LRBA: variants seen among roughly 807,000 people sequenced by gnomAD.
LRBA encodes the protein LPS responsive beige-like anchor protein.
LRBA carries 176 observed loss-of-function variants against 330.0 expected under a neutral mutation model. That is an observed-to-expected ratio of 0.53 (90% CI 0.47 to 0.60). The LOEUF (loss-of-function observed/expected upper bound fraction) is 0.60, where lower values mean the gene tolerates loss of function less well. Among genes scored for constraint, LRBA ranks in the 20% least tolerant of loss-of-function variants. LRBA has a pLI of 0.00. For synonymous variants in LRBA, 1,230 were observed against 1,193.0 expected, an observed-to-expected ratio of 1.03 and a Z score of -0.64; for missense variants, 3,259 against 3,444.8, an observed-to-expected ratio of 0.95 and a Z score of 1.35.
intron 47 of LRBA, among the ~76,000 whole-genome samples, chr4:150,405,852 C>A (rs1045804786): frequency 6.6e-6 from 1 of 151,824 alleles, no homozygotes; most frequent in Non-Finnish European, 1.5e-5. Flanking sequence ...GTCAGGAGTT[C>A]AAGACCAGCT....
chr4:150,391,578 A>G (rs932456760), intron 47 of LRBA, among the ~76,000 whole-genome samples: 2 of 152,172 alleles, frequency 1.3e-5, no homozygotes, highest in Non-Finnish European at 1.5e-5. Context: ...CTAGATTCCT[A>G]CTTAGGCCAG....
chr4:150,466,163 T>C (rs1561216724), intron 44 of LRBA, among the ~76,000 whole-genome samples: 1 of 152,064 alleles, frequency 6.6e-6, no homozygotes. Flanking sequence ...ATGAGGAAAA[T>C]GTTAACCTTC....
chr4:150,418,078 G>C (rs1387492534), intron 46 of LRBA, among the ~76,000 whole-genome samples: 1 of 150,728 alleles, frequency 6.6e-6, no homozygotes, highest in Non-Finnish European at 1.5e-5. Flanking sequence ...TTGGAGTACA[G>C]TAGTGGCACA....
intron 38 of LRBA, chr4:150,597,010 C>G: frequency 1.3e-6 from 1 of 744,232 alleles, no homozygotes; most frequent in East Asian, 2.9e-5. Context: ...ATTTCAAACG[C>G]AAGTTTTGTT....
chr4:150,693,542 T>C (rs1276772377), intron 36 of LRBA, among the ~76,000 whole-genome samples: 3 of 110,116 alleles, frequency 2.7e-5, no homozygotes, highest in African/African-American at 7.0e-5. Context: ...CCAGCCTGGG[T>C]GACAGAGCGA....
chr4:150,382,166 G>A (rs6817572), intron 47 of LRBA, among the ~76,000 whole-genome samples: 98,593 of 152,020 alleles, frequency 0.65, 31,909 homozygotes, highest in Admixed American at 0.7. Context: ...CTTTGGTACT[G>A]TATATAGGAA....
chr4:150,503,507 C>T (rs1760594411), intron 40 of LRBA, among the ~76,000 whole-genome samples: 2 of 152,094 alleles, frequency 1.3e-5, no homozygotes, highest in Non-Finnish European at 2.9e-5. Flanking sequence ...GTGGACTCTA[C>T]CAAACTCTCT....
intron 28 of LRBA, among the ~76,000 whole-genome samples, chr4:150,836,718 A>G (rs1196637952): frequency 6.6e-6 from 1 of 151,920 alleles, no homozygotes; most frequent in East Asian, 1.9e-4. Context: ...GTGGCCTATC[A>G]ATTTTGTTGA....
At chr4:150,400,647 A>T (rs1236817195) in intron 47 of LRBA, among the ~76,000 whole-genome samples, 1 of 152,172 alleles carries the variant, frequency 6.6e-6, no homozygotes, top group Non-Finnish European at 1.5e-5. Context: ...TGAAGCCAGG[A>T]GTTTGAGACC....
At chr4:150,292,099 G>C (rs1485182967) in intron 53 of LRBA, among the ~76,000 whole-genome samples, 1 of 152,148 alleles carries the variant, frequency 6.6e-6, no homozygotes, top group African/African-American at 2.4e-5. Flanking sequence ...CATTAGTTGT[G>C]TTTCTTTGGT....
intron 35 of LRBA, 38 bp from the exon 36 acceptor site, chr4:150,735,404 A>G (rs780293935): frequency 8.0e-7 from 1 of 1,245,718 alleles, no homozygotes; most frequent in Non-Finnish European, 1.2e-6. Context: ...ATATATGTAT[A>G]CACACACAAC....
At chr4:150,955,467 A>G (rs1276215673) in intron 2 of LRBA, among the ~76,000 whole-genome samples, 1 of 148,910 alleles carries the variant, frequency 6.7e-6, no homozygotes, top group Non-Finnish European at 1.5e-5. Context: ...AAAAAGAAGG[A>G]GCCAAGCCAT....
At chr4:150,453,997 T>C (rs1467643350) in intron 44 of LRBA, among the ~76,000 whole-genome samples, 2 of 152,146 alleles carry the variant, frequency 1.3e-5, no homozygotes, top group Non-Finnish European at 2.9e-5. Flanking sequence ...AGAGTCTCAC[T>C]GTTACCGAGG....
rs1401577530 is a variant in LRBA, at chr4:150,599,071, T to C, written c.5982A>G (p.Arg1994=). 8 of 1,613,924 alleles carry C rather than the reference T, an allele frequency of 5.0e-6. No individual in the cohort carries two copies. Among genetic ancestry groups the C allele is most frequent in the Non-Finnish European group, 6.8e-6 (8 of 1,179,900 alleles). Residue 1994 remains arginine (R), a synonymous_variant, in exon 38 of 57, where the codon CGA becomes CGG. Transcript: ENST00000651943. ...YWEDDLRRRR[R]FVRNPLGSTH... ...TCGATCCTAGAGGGTTACGCACAAATCGTCGCCGGCGCCGCAAGTCATCTT... is the reference window on the plus strand; with the variant it reads ...TCGATCCTAGAGGGTTACGCACAAACCGTCGCCGGCGCCGCAAGTCATCTT...
chr4:150,988,415 C>A (rs1741690808), intron 2 of LRBA, among the ~76,000 whole-genome samples: 1 of 152,078 alleles, frequency 6.6e-6, no homozygotes, highest in Non-Finnish European at 1.5e-5. Context: ...AGAAACAAAT[C>A]ACAGAGAGGC....
chr4:150,419,402 G>A (rs1162503934), intron 46 of LRBA, among the ~76,000 whole-genome samples: 1 of 152,106 alleles, frequency 6.6e-6, no homozygotes, highest in Non-Finnish European at 1.5e-5. Context: ...GACTAAAGAT[G>A]TGAAGGCTAG....
intron 40 of LRBA, among the ~76,000 whole-genome samples, chr4:150,549,309 CTTTATTTTAT>C (rs146271128): frequency 2.7e-5 from 4 of 150,868 alleles, no homozygotes; most frequent in Non-Finnish European, 5.9e-5. Context: ...ATAATTGTTG[CTTTATTTTAT>C]TTTATTTTAT....
At chr4:150,551,363 C>T (rs1766567999) in intron 40 of LRBA, among the ~76,000 whole-genome samples, 1 of 152,074 alleles carries the variant, frequency 6.6e-6, no homozygotes, top group Admixed American at 6.6e-5. Context: ...TATGGATAAA[C>T]ATATTCAACG....
intron 37 of LRBA, among the ~76,000 whole-genome samples, chr4:150,658,869 TGCCGA>T (rs1263944319): frequency 0.015 from 467 of 30,774 alleles, 106 homozygotes; most frequent in African/African-American, 0.021. Context: ...TGCCTCAGTC[TGCCGA>T]GCGCCGCCAC....
Sources: gnomAD v4.1 joint callset for allele counts (sites outside exome capture counted in the v4.1 genomes callset) on GRCh38, gnomAD v4.1.1 for gene constraint, MANE v1.5 for transcripts, NCBI Gene and HGNC (gene_info 2026-07-23, HGNC 2026-07-21) for gene names.